ANKRD44: variants seen among roughly 807,000 people sequenced by gnomAD.
ANKRD44 encodes the protein serine/threonine-protein phosphatase 6 regulatory ankyrin repeat subunit B.
In ANKRD44, 35 loss-of-function variants were observed where a neutral mutation model predicts 116.0. The observed-to-expected ratio is 0.30, with a 90% CI of 0.23 to 0.40. ANKRD44 has a LOEUF of 0.40. ANKRD44 is among the 10% of genes least tolerant of loss of function. The pLI is 1.00. For missense variants in ANKRD44, 1,014 were observed against 1,242.6 expected (o/e 0.82, Z 2.77); for synonymous variants, 435 against 461.8 (o/e 0.94, Z 0.74).
At chr2:197,204,927 T>C (rs540316899) in intron 1 of ANKRD44, among the ~76,000 whole-genome samples, 216 of 152,342 alleles carry the variant, frequency 1.4e-3, no homozygotes, top group Non-Finnish European at 2.6e-3. Flanking sequence ...AGAAGCAGAA[T>C]GGGGCACAGT....
At chr2:197,310,291 G>A (rs1458869912) in intron 1 of ANKRD44, among the ~76,000 whole-genome samples, 1 of 105,640 alleles carries the variant, frequency 9.5e-6, no homozygotes, top group African/African-American at 3.5e-5. Context: ...CCCCTCCCCA[G>A]CCCCGCCGGG....
chr2:197,218,962 G>GT (rs1198938627), intron 1 of ANKRD44, among the ~76,000 whole-genome samples: 1 of 151,284 alleles, frequency 6.6e-6, no homozygotes, highest in Non-Finnish European at 1.5e-5. Flanking sequence ...GTTTCTCCAT[G>GT]TTGGCCAGGC....
At chr2:197,218,748 T>G in intron 1 of ANKRD44, among the ~76,000 whole-genome samples, 1 of 126,964 alleles carries the variant, frequency 7.9e-6, no homozygotes, top group Admixed American at 9.8e-5. Context: ...GAGGGTAAAG[T>G]CCCTTTTTTT....
chr2:197,048,483 T>C lies in ANKRD44; in HGVS notation c.1651-23216A>G, dbSNP rs182327892. ...CAATAGTTTGCTGAGAATGACGGTT[T>C]CCAGCTTCATCCATGTCCCTGCAAA... is the stretch of plus-strand genomic sequence containing the variant. On this transcript the variant is annotated intron_variant, in intron 16 of 27. Coordinates refer to ENST00000282272, the MANE Select transcript of ANKRD44 (RefSeq NM_001195144.2). 1.0e-3 allele frequency among the ~76,000 whole-genome samples: 153 copies of C among 152,308 alleles called. 1 individual carries two copies. In the East Asian group the frequency reaches 0.028, roughly 27 times the overall value.
At chr2:197,093,669 G>C (rs2078097830) in intron 10 of ANKRD44, among the ~76,000 whole-genome samples, 2 of 152,166 alleles carry the variant, frequency 1.3e-5, no homozygotes, top group Non-Finnish European at 1.5e-5. Context: ...GCAGAATTCA[G>C]TGTCTCTGAA....
downstream of ANKRD44, among the ~76,000 whole-genome samples, chr2:196,983,041 G>A (rs1463095431): frequency 6.6e-6 from 1 of 152,096 alleles, no homozygotes; most frequent in Non-Finnish European, 1.5e-5. Context: ...GTTGGGGTAA[G>A]GGGAGGGAGA....
intron 1 of ANKRD44, among the ~76,000 whole-genome samples, chr2:197,232,157 C>T (rs879549679): frequency 6.6e-6 from 1 of 152,164 alleles, no homozygotes; most frequent in African/African-American, 2.4e-5. Context: ...ACCTAAGAGG[C>T]TGGTAATGAA....
chr2:197,133,223 A>C (rs2079133453), intron 4 of ANKRD44, among the ~76,000 whole-genome samples: 1 of 152,198 alleles, frequency 6.6e-6, no homozygotes, highest in Admixed American at 6.5e-5. Context: ...AGGTGCATGC[A>C]CAACTCCTTC....
intron 3 of ANKRD44, among the ~76,000 whole-genome samples, chr2:197,143,841 C>A (rs939260485): frequency 6.6e-6 from 1 of 152,152 alleles, no homozygotes; most frequent in Non-Finnish European, 1.5e-5. Flanking sequence ...GTTGGCCAGG[C>A]TGGTCTTGAA....
intron 4 of ANKRD44, among the ~76,000 whole-genome samples, chr2:197,132,855 T>C (rs1157656695): frequency 6.6e-6 from 1 of 152,032 alleles, no homozygotes; most frequent in African/African-American, 2.4e-5. Context: ...CGGCAAGCAA[T>C]AGGCATGGCA....
chr2:197,050,288 C>G (rs1026913755), intron 16 of ANKRD44, among the ~76,000 whole-genome samples: 1 of 152,166 alleles, frequency 6.6e-6, no homozygotes, highest in Non-Finnish European at 1.5e-5. Flanking sequence ...TCCCACCAGG[C>G]CCCACCTCCA....
chr2:197,109,537 T>C (rs2125269916), intron 9 of ANKRD44, among the ~76,000 whole-genome samples: 1 of 152,354 alleles, frequency 6.6e-6, no homozygotes, highest in South Asian at 2.1e-4. Context: ...TGGTCTTCCA[T>C]CCAAATGTCA....
intron 21 of ANKRD44, among the ~76,000 whole-genome samples, chr2:196,970,248 A>T (rs1352182323): frequency 6.6e-6 from 1 of 152,180 alleles, no homozygotes; most frequent in East Asian, 1.9e-4. Flanking sequence ...GTTATTCCTC[A>T]GCATCTTCAT....
rs1347052870 is a variant in ANKRD44 at position 197,248,373 on chromosome 2, G to A, written c.28-61267C>T. Among the ~76,000 whole-genome samples the A allele has an allele frequency of 2.0e-5, 3 of 151,932 alleles. No individual in the cohort carries two copies. In the East Asian group the frequency reaches 5.8e-4, roughly 29 times the overall value. ...TGGAACAGCATCATCAGCTCTCTGG[G>A]GACTAGAGCCTGCTGGCCCACACTA... On this transcript the variant is annotated intron_variant, in intron 1 of 27. Coordinates refer to ENST00000282272, the MANE Select transcript of ANKRD44 (RefSeq NM_001195144.2).
Position 197,030,313 on chromosome 2 carries a change from C to T in ANKRD44, c.1651-5046G>A, listed in dbSNP as rs896731832. 1.1e-4 allele frequency among the ~76,000 whole-genome samples: 17 copies of T among 152,164 alleles called. 1 individual carries two copies. The highest frequency in any genetic ancestry group is 1.0e-4 in the Non-Finnish European group (7 of 68,036). On this transcript the variant is annotated intron_variant, in intron 16 of 27. Coordinates refer to ENST00000282272, the MANE Select transcript of ANKRD44 (RefSeq NM_001195144.2). Reference sequence around the variant, plus strand: ...TCATGAGAACAGTGCCTTTAGAAGACGGAAGTGAGGCAGAGAAAATCTGTG... The same window carrying T: ...TCATGAGAACAGTGCCTTTAGAAGATGGAAGTGAGGCAGAGAAAATCTGTG...
chr2:197,255,786 C>G (rs1008037652), intron 1 of ANKRD44, among the ~76,000 whole-genome samples: 1 of 152,242 alleles, frequency 6.6e-6, no homozygotes, highest in Admixed American at 6.5e-5. Flanking sequence ...AGGGCTGGAG[C>G]CCTGACAAAG....
chr2:197,112,640 G>A (rs533149385), intron 8 of ANKRD44, among the ~76,000 whole-genome samples: 6 of 151,084 alleles, frequency 4.0e-5, no homozygotes, highest in South Asian at 2.1e-4. Context: ...CCCGGGAGGC[G>A]GAGTTTGCAG....
rs146207030 is a variant in ANKRD44 at position 197,187,257 on chromosome 2, A to C, written c.28-151T>G. The C allele has an allele frequency of 5.2e-4, 365 of 697,460 alleles. 2 individuals carry two copies. In the African/African-American group the frequency reaches 5.8e-3, roughly 11 times the overall value. The allele number at this position is 697,460 out of a possible 1,614,324, so 43.2% of individuals were successfully genotyped here. On this transcript the variant is annotated intron_variant, in intron 1 of 27. Transcript: ENST00000282272. Reference sequence around the variant, plus strand: ...GAATAAGACTCAGACCAACCCTTACAAGAAGTCCAGTGGGGGAGATATTTA... The same window carrying C: ...GAATAAGACTCAGACCAACCCTTACCAGAAGTCCAGTGGGGGAGATATTTA...
chr2:197,027,862 A>G (rs150879056), intron 16 of ANKRD44, among the ~76,000 whole-genome samples: 3 of 151,476 alleles, frequency 2.0e-5, no homozygotes, highest in African/African-American at 7.3e-5. Context: ...TTTAAAAAAA[A>G]TTTTTTTGGT....
Sources: gnomAD v4.1 joint callset for allele counts (sites outside exome capture counted in the v4.1 genomes callset) on GRCh38, gnomAD v4.1.1 for gene constraint, MANE v1.5 for transcripts, NCBI Gene and HGNC (gene_info 2026-07-23, HGNC 2026-07-21) for gene names.